The following TENM2 variants were observed in gnomAD, a reference collection of about 807,000 sequenced individuals.
The protein encoded by TENM2 is teneurin-2.
Under a neutral mutation model 245.2 loss-of-function variants are expected in TENM2, and 52 were observed. The ratio of observed to expected loss-of-function variants is 0.21; its 90% CI spans 0.17 to 0.27. The LOEUF (loss-of-function observed/expected upper bound fraction) is 0.27. Among genes scored for constraint, TENM2 ranks in the 10% least tolerant of loss-of-function variants. The pLI is 1.00. For synonymous variants in TENM2, 1,363 were observed against 1,438.9 expected, an observed-to-expected ratio of 0.95 and a Z score of 1.19; for missense variants, 3,046 against 3,666.8, an observed-to-expected ratio of 0.83 and a Z score of 4.37.
At chr5:167,870,040 T>C (rs1173483795) in intron 2 of TENM2, among the ~76,000 whole-genome samples, 1 of 152,212 alleles carries the variant, frequency 6.6e-6, no homozygotes, top group Admixed American at 6.5e-5. Context: ...GGAAACATCA[T>C]TAGGACAACT....
chr5:168,210,487 T>C, intron 19 of TENM2, among the ~76,000 whole-genome samples: 1 of 152,210 alleles, frequency 6.6e-6, no homozygotes, highest in Non-Finnish European at 1.5e-5. Flanking sequence ...TTCACTTTCA[T>C]TAAGCAATAT....
At chr5:168,012,621 C>T (rs559509838) in intron 5 of TENM2, among the ~76,000 whole-genome samples, 5 of 146,238 alleles carry the variant, frequency 3.4e-5, no homozygotes, top group African/African-American at 1.3e-4. Flanking sequence ...GCACTCCAGC[C>T]TGGGTGACAG....
chr5:167,924,561 C>T (rs763982655), intron 3 of TENM2, among the ~76,000 whole-genome samples: 4 of 152,192 alleles, frequency 2.6e-5, no homozygotes, highest in African/African-American at 4.8e-5. Context: ...GCATGAAGAA[C>T]GCATTCATCA....
the TENM2 span, among the ~76,000 whole-genome samples, chr5:167,101,849 T>TTA: frequency 0.089 from 6,160 of 69,352 alleles, 470 homozygotes; most frequent in Middle Eastern, 0.19. Flanking sequence ...ATATATATAT[T>TTA]TATATATATA....
At chr5:167,830,009 A>G (rs1768326289) in intron 2 of TENM2, among the ~76,000 whole-genome samples, 1 of 152,240 alleles carries the variant, frequency 6.6e-6, no homozygotes, top group Non-Finnish European at 1.5e-5. Context: ...ATTGCCTTCT[A>G]TCCTCCTACA....
At chr5:167,173,731 G>A in the TENM2 span, among the ~76,000 whole-genome samples, 1 of 151,660 alleles carries the variant, frequency 6.6e-6, no homozygotes, top group Non-Finnish European at 1.5e-5. Flanking sequence ...GTGTGTGTGT[G>A]TGTATGTGGG....
Position 167,492,990 on chromosome 5 carries a change from T to C in TENM2, c.502+117517T>C, listed in dbSNP as rs1315569261. 2.6e-5 allele frequency among the ~76,000 whole-genome samples: 4 copies of C among 152,132 alleles called. No individual in the cohort carries two copies. The South Asian group carries it at 8.3e-4, about 32-fold the overall frequency. On this transcript the variant is annotated intron_variant, in intron 2 of 28. Transcript: ENST00000518659. ...CCAGGAAATCATAGAGGAGATGCATTTGAAGAATAGAGTTTGAGCATGGAT... is the reference window on the plus strand; with the variant it reads ...CCAGGAAATCATAGAGGAGATGCATCTGAAGAATAGAGTTTGAGCATGGAT...
chr5:167,935,901 T>C (rs1778669433), intron 3 of TENM2, among the ~76,000 whole-genome samples: 1 of 152,170 alleles, frequency 6.6e-6, no homozygotes, highest in South Asian at 2.1e-4. Context: ...ATTTTTTTTT[T>C]CGATTTCCCC....
At chr5:167,077,717 G>A in the TENM2 span, among the ~76,000 whole-genome samples, 3 of 152,250 alleles carry the variant, frequency 2.0e-5, no homozygotes, top group East Asian at 5.8e-4. Context: ...GTGGATTTTG[G>A]TTTACAAACC....
chr5:167,777,255 A>G (rs1763872266), intron 2 of TENM2, among the ~76,000 whole-genome samples: 1 of 152,244 alleles, frequency 6.6e-6, no homozygotes, highest in African/African-American at 2.4e-5. Flanking sequence ...AGTGATGGAA[A>G]GAATGGAATC....
intron 15 of TENM2, among the ~76,000 whole-genome samples, chr5:168,196,685 C>G (rs1761458080): frequency 1.3e-5 from 2 of 152,220 alleles, no homozygotes; most frequent in African/African-American, 4.8e-5. Flanking sequence ...TGGTCTCGAA[C>G]TCCTAACCTC....
At chr5:167,367,519 C>T (rs1760132564) in intron 1 of TENM2, among the ~76,000 whole-genome samples, 1 of 151,944 alleles carries the variant, frequency 6.6e-6, no homozygotes, top group African/African-American at 2.4e-5. Context: ...TTTAAAAGGT[C>T]ATTAAAAGAG....
At chr5:168,204,848 G>C (rs1027819750) in intron 19 of TENM2, among the ~76,000 whole-genome samples, 1 of 152,198 alleles carries the variant, frequency 6.6e-6, no homozygotes, top group Admixed American at 6.5e-5. Context: ...TACAGACAAG[G>C]CTTTTAGTCT....
intron 9 of TENM2, among the ~76,000 whole-genome samples, chr5:168,110,653 T>C (rs1794608378): frequency 6.6e-6 from 1 of 152,140 alleles, no homozygotes; most frequent in African/African-American, 2.4e-5. Context: ...CACCAACAAC[T>C]TGCAAATTCA....
intron 13 of TENM2, among the ~76,000 whole-genome samples, chr5:168,171,289 A>G (rs1758801193): frequency 6.6e-6 from 1 of 152,224 alleles, no homozygotes; most frequent in African/African-American, 2.4e-5. Flanking sequence ...AGTCTATTTC[A>G]TCATATTATT....
chr5:167,796,064 A>G (rs1765293750), intron 2 of TENM2, among the ~76,000 whole-genome samples: 1 of 152,180 alleles, frequency 6.6e-6, no homozygotes, highest in South Asian at 2.1e-4. Flanking sequence ...TGGAAAGGAA[A>G]CAGTGACCTC....
intron 2 of TENM2, among the ~76,000 whole-genome samples, chr5:167,465,038 T>C (rs1231239299): frequency 6.6e-6 from 1 of 152,230 alleles, no homozygotes; most frequent in African/African-American, 2.4e-5. Flanking sequence ...TAAAGCACCG[T>C]TCTCAAAAAA....
intron 1 of TENM2, chr5:167,309,827 C>T (rs1409189515): frequency 6.6e-6 from 1 of 152,112 alleles, no homozygotes; most frequent in Non-Finnish European, 1.5e-5. Flanking sequence ...TAGACAAAAG[C>T]ACGGTATTAT....
At chr5:167,212,347 A>G in the TENM2 span, among the ~76,000 whole-genome samples, 1 of 152,176 alleles carries the variant, frequency 6.6e-6, no homozygotes, top group Non-Finnish European at 1.5e-5. Flanking sequence ...TTAGTAGTCA[A>G]GGTTTTCATT....
Sources: gnomAD v4.1 joint callset for allele counts (sites outside exome capture counted in the v4.1 genomes callset) on GRCh38, gnomAD v4.1.1 for gene constraint, MANE v1.5 for transcripts, NCBI Gene and HGNC (gene_info 2026-07-23, HGNC 2026-07-21) for gene names.